SORCS2: variants seen among roughly 807,000 people sequenced by gnomAD.
SORCS2 encodes VPS10 domain-containing receptor SorCS2.
Under a neutral mutation model 141.6 loss-of-function variants are expected in SORCS2, and 100 were observed. That is an observed-to-expected ratio of 0.71 (90% CI 0.60 to 0.83). SORCS2 has a LOEUF of 0.83. SORCS2 is among the 40% of genes least tolerant of loss of function. The pLI is 0.00. For synonymous variants in SORCS2, 789 were observed against 676.9 expected (o/e 1.17, Z -2.57); for missense variants, 1,646 against 1,560.2 (o/e 1.05, Z -0.93).
At chr4:7,591,232 C>A (rs1716894706) in intron 3 of SORCS2, among the ~76,000 whole-genome samples, 1 of 152,204 alleles carries the variant, frequency 6.6e-6, no homozygotes, top group Admixed American at 6.5e-5. Flanking sequence ...TCGCGCTCTC[C>A]CCTCCACCTG....
intron 3 of SORCS2, among the ~76,000 whole-genome samples, chr4:7,593,408 G>C (rs1369565726): frequency 1.3e-5 from 2 of 152,222 alleles, no homozygotes; most frequent in Non-Finnish European, 2.9e-5. Context: ...TTGGAAAGCA[G>C]GCTGTGACAG....
At chr4:7,196,863 G>A (rs992031901) in intron 1 of SORCS2, among the ~76,000 whole-genome samples, 2 of 152,100 alleles carry the variant, frequency 1.3e-5, no homozygotes, top group South Asian at 4.2e-4. Flanking sequence ...GAGTTAAGAG[G>A]TCAAGAACTA....
chr4:7,723,645 C>T (rs1281010283), intron 18 of SORCS2, 52 bp from the exon 19 acceptor site: 12 of 1,590,168 alleles, frequency 7.5e-6, no homozygotes, highest in Admixed American at 3.4e-5. Context: ...ACCACTCTGG[C>T]CCCTCAGCTT....
chr4:7,460,475 C>T (rs1311999488), intron 2 of SORCS2, among the ~76,000 whole-genome samples: 1 of 152,204 alleles, frequency 6.6e-6, no homozygotes, highest in Non-Finnish European at 1.5e-5. Context: ...CAGTGAATTC[C>T]AACGTACCCC....
chr4:7,238,883 T>A (rs1247710549), intron 1 of SORCS2, among the ~76,000 whole-genome samples: 1 of 152,164 alleles, frequency 6.6e-6, no homozygotes, highest in African/African-American at 2.4e-5. Context: ...GCTGTGGCAC[T>A]CTTTACCACT....
chr4:7,622,443 G>A (rs1380341791), intron 3 of SORCS2, among the ~76,000 whole-genome samples: 5 of 152,226 alleles, frequency 3.3e-5, no homozygotes, highest in Admixed American at 1.3e-4. Flanking sequence ...TATCCAAGCA[G>A]AGAGGCCGGG....
intron 1 of SORCS2, among the ~76,000 whole-genome samples, chr4:7,392,867 T>A (rs538308641): frequency 6.7e-6 from 1 of 148,188 alleles, no homozygotes; most frequent in Non-Finnish European, 1.5e-5. Flanking sequence ...TCAGCCGTAA[T>A]GTGAGAACAG....
rs185008639 is a variant in SORCS2, at chr4:7,371,073, C to T, written c.481-25215C>T. ...TGGCAGAGCTGAGGTCTCTTCAGTG[C>T]CACATCGGGAGCAGGTCTCTGTAGA... On this transcript the variant is annotated intron_variant, in intron 1 of 26. Coordinates refer to ENST00000507866, the MANE Select transcript of SORCS2 (RefSeq NM_020777.3). Among the ~76,000 whole-genome samples the T allele has an allele frequency of 2.0e-4, 31 of 152,340 alleles. No individual in the cohort carries two copies. The East Asian group carries it at 5.8e-3, about 28-fold the overall frequency.
chr4:7,285,800 A>G (rs1040295317), intron 1 of SORCS2, among the ~76,000 whole-genome samples: 7 of 152,146 alleles, frequency 4.6e-5, no homozygotes, highest in Non-Finnish European at 5.9e-5. Flanking sequence ...GCTAAGTCCG[A>G]GGGTGCGGGA....
At chr4:7,606,364 C>T (rs868157427) in intron 3 of SORCS2, among the ~76,000 whole-genome samples, 26 of 152,122 alleles carry the variant, frequency 1.7e-4, no homozygotes, top group African/African-American at 6.0e-4. Flanking sequence ...ATTCAACGAT[C>T]GTCTCTGTGG....
intron 1 of SORCS2, among the ~76,000 whole-genome samples, chr4:7,395,744 G>T (rs991681101): frequency 2.0e-5 from 3 of 152,150 alleles, no homozygotes; most frequent in Non-Finnish European, 1.5e-5. Context: ...GGACTCCTGG[G>T]CCCCCAAGCA....
chr4:7,619,744 G>A (rs1472890266), intron 3 of SORCS2, among the ~76,000 whole-genome samples: 1 of 152,218 alleles, frequency 6.6e-6, no homozygotes, highest in Non-Finnish European at 1.5e-5. Flanking sequence ...AGGCTCTGCA[G>A]TGAGCCCAAC....
rs541371558 is a variant in SORCS2, at chr4:7,688,427, G to T, written c.1489-1059G>T. 2.0e-5 allele frequency among the ~76,000 whole-genome samples: 3 copies of T among 152,288 alleles called. No homozygotes were observed. The East Asian group carries it at 5.8e-4, about 29-fold the overall frequency. On this transcript the variant is annotated intron_variant, in intron 10 of 26. Coordinates refer to ENST00000507866, the MANE Select transcript of SORCS2 (RefSeq NM_020777.3). ...TTTAACAGAAAAAAGTAATTTTAAG[G>T]TGGCAAATACAATGTTTACCATTCT... is the stretch of plus-strand genomic sequence containing the variant.
chr4:7,268,098 G>T (rs1166640090), intron 1 of SORCS2, among the ~76,000 whole-genome samples: 1 of 152,188 alleles, frequency 6.6e-6, no homozygotes, highest in East Asian at 1.9e-4. Flanking sequence ...GTGGGCCCCG[G>T]GCCCCTGGAG....
intron 3 of SORCS2, among the ~76,000 whole-genome samples, chr4:7,602,505 A>G (rs1015653667): frequency 2.1e-5 from 3 of 143,230 alleles, no homozygotes; most frequent in African/African-American, 5.3e-5. Context: ...CGCTCCCCAC[A>G]TCTCAGACGA....
chr4:7,724,921 GGATGGTGGTA>G (rs1727079429), intron 19 of SORCS2, among the ~76,000 whole-genome samples: 1 of 38,862 alleles, frequency 2.6e-5, no homozygotes, highest in Non-Finnish European at 4.6e-5. Flanking sequence ...TGGTGGGAAT[GGATGGTGGTA>G]GTAGTGGTGA....
At chr4:7,411,032 C>T (rs948838900) in intron 2 of SORCS2, among the ~76,000 whole-genome samples, 3 of 147,518 alleles carry the variant, frequency 2.0e-5, no homozygotes, top group Non-Finnish European at 3.0e-5. Flanking sequence ...CTCGACTCAC[C>T]GCAACCTCTG....
chr4:7,560,682 A>G (rs890192190), intron 3 of SORCS2, among the ~76,000 whole-genome samples: 5 of 152,084 alleles, frequency 3.3e-5, no homozygotes, highest in Non-Finnish European at 7.4e-5. Context: ...TGTCAGGACC[A>G]CTCAGCACCT....
At chr4:7,280,309 C>G (rs1715788892) in intron 1 of SORCS2, among the ~76,000 whole-genome samples, 1 of 152,040 alleles carries the variant, frequency 6.6e-6, no homozygotes, top group Non-Finnish European at 1.5e-5. Context: ...CTCATATCAG[C>G]CATTTAAAAA....
Sources: gnomAD v4.1 joint callset for allele counts (sites outside exome capture counted in the v4.1 genomes callset) on GRCh38, gnomAD v4.1.1 for gene constraint, MANE v1.5 for transcripts, NCBI Gene and HGNC (gene_info 2026-07-23, HGNC 2026-07-21) for gene names.